Variants in UST observed in about 807,000 individuals in gnomAD.
UST encodes uronyl 2-sulfotransferase, also known as chondroitin sulfate 2-O-sulfotransferase.
UST carries 21 observed loss-of-function variants against 45.6 expected under a neutral mutation model. The observed-to-expected ratio is 0.46, with a 90% CI of 0.33 to 0.66. UST has a LOEUF of 0.66. Among genes scored for constraint, UST ranks in the 30% least tolerant of loss-of-function variants. The pLI is 0.02. For synonymous variants in UST, 215 were observed against 200.6 expected, an observed-to-expected ratio of 1.07 and a Z score of -0.61; for missense variants, 463 against 512.4, an observed-to-expected ratio of 0.90 and a Z score of 0.93.
chr6:149,015,914 G>T (rs6940538), intron 5 of UST, among the ~76,000 whole-genome samples: 2,074 of 152,210 alleles, frequency 0.014, 60 homozygotes, highest in African/African-American at 0.048. Flanking sequence ...TGAAGGTCTC[G>T]GTTCTGCTAA....
In UST at chr6:148,812,404, T is replaced by G. The variant is rs548397024; in HGVS notation, c.247+64727T>G. ...CACGTATTGGTTATTTATTGCAATGTAACAAATTATCCCAAAACATAACAT... is the reference window on the plus strand; with the variant it reads ...CACGTATTGGTTATTTATTGCAATGGAACAAATTATCCCAAAACATAACAT... On this transcript the variant is annotated intron_variant, in intron 1 of 7. Transcript: ENST00000367463. Among the ~76,000 whole-genome samples the G allele has an allele frequency of 3.3e-5, 5 of 152,392 alleles. No homozygotes were observed. The East Asian group carries it at 9.6e-4, about 29-fold the overall frequency.
At chr6:149,044,749 GCTC>G (rs909145606) in intron 7 of UST, among the ~76,000 whole-genome samples, 3 of 152,154 alleles carry the variant, frequency 2.0e-5, no homozygotes, top group African/African-American at 7.2e-5. Context: ...CATCTGGAGA[GCTC>G]CTAAAAAGGA....
At chr6:148,858,859 T>C (rs1778254391) in intron 1 of UST, among the ~76,000 whole-genome samples, 1 of 152,272 alleles carries the variant, frequency 6.6e-6, no homozygotes, top group Non-Finnish European at 1.5e-5. Context: ...TAGTATTCCA[T>C]GGTGTATATG....
At chr6:148,814,601 A>T (rs756524322) in intron 1 of UST, among the ~76,000 whole-genome samples, 8 of 137,038 alleles carry the variant, frequency 5.8e-5, no homozygotes, top group Middle Eastern at 3.7e-3. Context: ...TTAACCCTGC[A>T]GCTGACCCAG....
chr6:148,818,173 T>A lies in UST; in HGVS notation c.248-68813T>A, dbSNP rs188458208. 2.6e-4 allele frequency among the ~76,000 whole-genome samples: 39 copies of A among 149,628 alleles called. 1 individual carries two copies. In the East Asian group the frequency reaches 6.9e-3, roughly 27 times the overall value. On this transcript the variant is annotated intron_variant, in intron 1 of 7. Coordinates refer to ENST00000367463, the MANE Select transcript of UST (RefSeq NM_005715.3). ...CCACATATGATAAAATGAGCTAGAATGGAGCACGTTCAAAACACAAGATTG... is the reference window on the plus strand; with the variant it reads ...CCACATATGATAAAATGAGCTAGAAAGGAGCACGTTCAAAACACAAGATTG...
intron 1 of UST, among the ~76,000 whole-genome samples, chr6:148,862,954 T>G (rs959637624): frequency 6.6e-6 from 1 of 152,212 alleles, no homozygotes; most frequent in Non-Finnish European, 1.5e-5. Flanking sequence ...TCAACTTTGG[T>G]GAATCTGACA....
At chr6:148,804,450 A>G (rs1039254527) in intron 1 of UST, among the ~76,000 whole-genome samples, 3 of 152,146 alleles carry the variant, frequency 2.0e-5, no homozygotes, top group South Asian at 4.1e-4. Context: ...TGGTGACTGC[A>G]GTGCCACATG....
chr6:148,843,115 G>A (rs1426780527), intron 1 of UST, among the ~76,000 whole-genome samples: 2 of 152,150 alleles, frequency 1.3e-5, no homozygotes, highest in African/African-American at 4.8e-5. Flanking sequence ...AAAATATTTT[G>A]AAAATGTTTT....
chr6:148,925,830 A>T (rs969916322), intron 2 of UST, among the ~76,000 whole-genome samples: 1 of 152,218 alleles, frequency 6.6e-6, no homozygotes, highest in Non-Finnish European at 1.5e-5. Context: ...TTACACTAAA[A>T]TTACACAGGG....
intron 5 of UST, chr6:148,993,207 G>A (rs1309245041): frequency 2.9e-6 from 1 of 343,458 alleles, no homozygotes; most frequent in Non-Finnish European, 4.1e-6. Context: ...AGTTTCTCCT[G>A]AGCCTTCCAT....
At chr6:149,068,188 A>G (rs1047450072) in intron 7 of UST, among the ~76,000 whole-genome samples, 2 of 152,176 alleles carry the variant, frequency 1.3e-5, no homozygotes, top group East Asian at 1.9e-4. Flanking sequence ...ATTGACCATT[A>G]TGCTCTACCA....
chr6:149,060,825 A>G (rs961033523), intron 7 of UST, among the ~76,000 whole-genome samples: 3 of 152,180 alleles, frequency 2.0e-5, no homozygotes, highest in African/African-American at 7.2e-5. Context: ...AAGGCCTCTC[A>G]GTTGATCACC....
chr6:148,941,167 C>A, intron 2 of UST, 112 bp from the exon 3 acceptor site: 1 of 1,299,076 alleles, frequency 7.7e-7, no homozygotes, highest in Non-Finnish European at 1.1e-6. Context: ...GATTATAGGC[C>A]TTTTTCACTC....
At chr6:148,940,387 G>A (rs1562306787) in intron 2 of UST, among the ~76,000 whole-genome samples, 2 of 152,014 alleles carry the variant, frequency 1.3e-5, no homozygotes, top group Non-Finnish European at 2.9e-5. Context: ...CCAGCTACTC[G>A]GGAAGCTAAG....
At chr6:149,026,394 A>G (rs946240140) in intron 7 of UST, among the ~76,000 whole-genome samples, 12 of 152,218 alleles carry the variant, frequency 7.9e-5, no homozygotes, top group Non-Finnish European at 1.5e-4. Flanking sequence ...GTCATCCACA[A>G]AAATGTGTAA....
rs571411154 is a variant in UST at position 148,860,287 on chromosome 6, C to T, written c.248-26699C>T. 5.3e-5 allele frequency among the ~76,000 whole-genome samples: 8 copies of T among 152,240 alleles called. 1 individual carries two copies. The South Asian group carries it at 1.0e-3, about 20-fold the overall frequency. ...GAATGGGAGTTCACTCATGATTTGG[C>T]TCTCTGTTTGTCTGTTATTGGTGTA... On this transcript the variant is annotated intron_variant, in intron 1 of 7. Coordinates refer to ENST00000367463, the MANE Select transcript of UST (RefSeq NM_005715.3).
At chr6:148,945,810 T>A (rs1416164701) in intron 3 of UST, among the ~76,000 whole-genome samples, 2 of 152,216 alleles carry the variant, frequency 1.3e-5, no homozygotes, top group Non-Finnish European at 1.5e-5. Context: ...TCTGCAGAAC[T>A]CCAGTTCATT....
intron 2 of UST, among the ~76,000 whole-genome samples, chr6:148,891,191 C>T (rs1779011649): frequency 6.6e-6 from 1 of 152,160 alleles, no homozygotes; most frequent in Non-Finnish European, 1.5e-5. Context: ...GTGGCCTCTG[C>T]AGCATCATGT....
At chr6:148,855,973 C>A (rs1778196307) in intron 1 of UST, among the ~76,000 whole-genome samples, 1 of 152,082 alleles carries the variant, frequency 6.6e-6, no homozygotes. Flanking sequence ...TAACTTTTTA[C>A]AACCTAGTCA....
Sources: allele counts gnomAD v4.1 joint callset (sites outside exome capture counted in the v4.1 genomes callset), GRCh38; gene constraint gnomAD v4.1.1; transcripts MANE v1.5; gene names NCBI Gene and HGNC (gene_info 2026-07-23, HGNC 2026-07-21).